HERC1: variants seen among roughly 807,000 people sequenced by gnomAD.
HERC1 encodes the protein HECT and RLD domain containing E3 ubiquitin protein ligase family member 1, also known as probable E3 ubiquitin-protein ligase HERC1.
HERC1 carries 160 observed loss-of-function variants against 554.3 expected under a neutral mutation model. The observed-to-expected ratio is 0.29, with a 90% confidence interval of 0.25 to 0.33. HERC1 has a LOEUF of 0.33. Among genes scored for constraint, HERC1 ranks in the 10% least tolerant of loss-of-function variants. HERC1 has a pLI of 1.00. For missense variants in HERC1, 4,919 were observed against 5,918.5 expected (o/e 0.83, Z 5.54); for synonymous variants, 2,175 against 2,131.7 (o/e 1.02, Z -0.56).
At chr15:63,805,364 G>C (rs2077105623) in intron 1 of HERC1, among the ~76,000 whole-genome samples, 1 of 152,122 alleles carries the variant, frequency 6.6e-6, no homozygotes, top group Non-Finnish European at 1.5e-5. Flanking sequence ...AAAGCATTAT[G>C]CTAAGCGAAA....
chr15:63,801,124 C>CTTG (rs1368746910), intron 1 of HERC1, among the ~76,000 whole-genome samples: 1 of 152,138 alleles, frequency 6.6e-6, no homozygotes, highest in African/African-American at 2.4e-5. Flanking sequence ...ATGCCCCTAC[C>CTTG]CCCTGTATCT....
rs1324598852 is a variant in HERC1 at position 63,637,503 on chromosome 15, A to T, written c.12232+2T>A. 6.4e-7 allele frequency: 1 copy of T among 1,566,550 alleles called. No homozygotes were observed. The highest frequency in any genetic ancestry group is 1.9e-5 in the Admixed American group (1 of 52,760). The stretch of plus-strand genomic sequence containing the variant: ...CCATCTTTTTATTAAGGACAATTTT[A>T]CCTTGTAAGGCTGAAATAACTGTCA... On this transcript the variant is annotated splice_donor_variant, in intron 64 of 77. Coordinates refer to ENST00000443617, the MANE Select transcript of HERC1 (RefSeq NM_003922.4). LOFTEE classifies it high-confidence loss of function.
At chr15:63,785,932 C>A (rs955145608) in intron 1 of HERC1, among the ~76,000 whole-genome samples, 2 of 152,024 alleles carry the variant, frequency 1.3e-5, no homozygotes, top group Non-Finnish European at 2.9e-5. Context: ...TCTCAAACTC[C>A]TGGACTCAGG....
chr15:63,683,135 C>CAAAAAAAAA, intron 34 of HERC1, among the ~76,000 whole-genome samples: 1 of 77,718 alleles, frequency 1.3e-5, no homozygotes, highest in East Asian at 5.1e-4. Flanking sequence ...CACTCTGTCT[C>CAAAAAAAAA]AAAAAAAAAA....
intron 2 of HERC1, among the ~76,000 whole-genome samples, chr15:63,766,987 G>C (rs1245836299): frequency 6.9e-6 from 1 of 145,110 alleles, no homozygotes; most frequent in Non-Finnish European, 1.5e-5. Context: ...CTACACTAAA[G>C]TTTTATAGGT....
At chr15:63,825,589 T>C (rs1567166706) in intron 1 of HERC1, among the ~76,000 whole-genome samples, 1 of 152,074 alleles carries the variant, frequency 6.6e-6, no homozygotes, top group Non-Finnish European at 1.5e-5. Context: ...GTGACTTTTG[T>C]GGGCTTATTT....
chr15:63,636,219 C>A lies in HERC1; in HGVS notation c.12233-77G>T, dbSNP rs376623869. 50 of 1,297,574 alleles carry A rather than the reference C, an allele frequency of 3.9e-5. No homozygotes were observed. The East Asian group carries it at 6.1e-4, about 16-fold the overall frequency. 80.4% of individuals were successfully genotyped at this position (1,297,574 alleles called of 1,614,324 possible). A position where few individuals can be genotyped will look rare whatever the true frequency, so the allele number is the denominator to read the frequency against. ...CTTTACTTGCAGCTGCTACTGAATA[C>A]CCTCAATCAAAAACCACCGAATTGG... is the stretch of plus-strand genomic sequence containing the variant. On this transcript the variant is annotated intron_variant, in intron 64 of 77. Coordinates refer to ENST00000443617, the MANE Select transcript of HERC1 (RefSeq NM_003922.4).
chr15:63,803,693 C>T (rs1046992383), intron 1 of HERC1, among the ~76,000 whole-genome samples: 2 of 152,176 alleles, frequency 1.3e-5, no homozygotes, highest in African/African-American at 4.8e-5. Flanking sequence ...TACATTCCTC[C>T]TAACCACTCT....
intron 37 of HERC1, among the ~76,000 whole-genome samples, chr15:63,676,575 G>A (rs1168535823): frequency 6.6e-6 from 1 of 151,938 alleles, no homozygotes; most frequent in East Asian, 1.9e-4. Context: ...TGGGTAACAT[G>A]GTGAAACCCT....
At chr15:63,609,518 G>A (rs1162164869) in intron 77 of HERC1, among the ~76,000 whole-genome samples, 1 of 152,226 alleles carries the variant, frequency 6.6e-6, no homozygotes, top group Admixed American at 6.5e-5. Context: ...GTGAGGAGAA[G>A]CTCTGACTGG....
chr15:63,752,720 G>A (rs1349104388), intron 8 of HERC1: 4 of 355,190 alleles, frequency 1.1e-5, no homozygotes, highest in South Asian at 6.3e-5. Context: ...ATTTTAGAAA[G>A]TCAGTTTAAT....
chr15:63,772,570 A>G (rs940501802), intron 2 of HERC1, among the ~76,000 whole-genome samples: 5 of 151,750 alleles, frequency 3.3e-5, no homozygotes, highest in African/African-American at 9.7e-5. Context: ...TGAAAGGAGT[A>G]TAACATAAGA....
At chr15:63,627,449 TCC>T in intron 70 of HERC1, among the ~76,000 whole-genome samples, 1 of 151,964 alleles carries the variant, frequency 6.6e-6, no homozygotes, top group Non-Finnish European at 1.5e-5. Flanking sequence ...AGGCTTGAAC[TCC>T]AGACTTGAGG....
rs2072406125 is a variant in HERC1, at chr15:63,696,272, G to A, written c.4973C>T (p.Ser1658Leu). The A allele has an allele frequency of 6.2e-7, 1 of 1,613,416 alleles. No homozygotes were observed. Among genetic ancestry groups the A allele is most frequent in the Non-Finnish European group, 8.5e-7 (1 of 1,179,666 alleles). ...LSGMEEKGSI[S>L]LAGSRLSSGF... The stretch of plus-strand genomic sequence containing the variant: ...TGAACTCAATCTGCTTCCTGCCAGT[G>A]AGATGCTACCTTTTTCTTCCATCCC... The change falls in exon 27 of 78, where the codon TCA (serine) becomes TTA (leucine). Residue 1658 changes from serine (S) to leucine (L), a missense_variant. Physicochemically the swap from Ser to Leu is moderately radical, Grantham distance 145 (BLOSUM62 -2). This residue lies in a region of HERC1 where 1,121 missense variants were observed against 1,244.0 expected (regional missense o/e 0.90). Coordinates refer to ENST00000443617, the MANE Select transcript of HERC1 (RefSeq NM_003922.4).
At chr15:63,737,254 C>A (rs2074546912) in intron 12 of HERC1, among the ~76,000 whole-genome samples, 1 of 149,784 alleles carries the variant, frequency 6.7e-6, no homozygotes, top group African/African-American at 2.4e-5. Context: ...ATTAAGAGGA[C>A]TGGCTCAGGA....
chr15:63,735,763 T>G (rs774315149), intron 12 of HERC1, among the ~76,000 whole-genome samples: 67 of 152,278 alleles, frequency 4.4e-4, no homozygotes, highest in Non-Finnish European at 8.8e-4. Context: ...CTATTAATAA[T>G]TATTTGAATT....
chr15:63,733,810 C>T (rs145801119), intron 13 of HERC1, among the ~76,000 whole-genome samples: 396 of 152,184 alleles, frequency 2.6e-3, no homozygotes, highest in Non-Finnish European at 4.8e-3. Context: ...CATGATCGTG[C>T]CACTGCACTC....
At position 63,749,722 on chromosome 15, in the gene HERC1, G is replaced by A; in HGVS notation, c.1972C>T (p.Leu658Phe). ...SSEATALRPK[L>F]IEELAATRIV... ...CTTGTGGCAGCCAGTTCTTCAATAA[G>A]CTTGGGTCTCAAAGCAGTAGCTTCT... is the stretch of plus-strand genomic sequence containing the variant. The change falls in exon 9 of 78, where the codon CTT becomes TTT. Residue 658 changes from leucine (L) to phenylalanine (F), a missense_variant. By Grantham distance (22) the Leu-to-Phe change is conservative (BLOSUM62 0). Around this residue, in one of 11 missense-constraint regions of HERC1, gnomAD observed 744 missense variants for 1,090.0 expected, o/e 0.68. Transcript: ENST00000443617. The surrounding 1 kb of genome is among the most constrained non-coding windows in gnomAD (Gnocchi z 4.1). 2 of 1,584,154 alleles carry A rather than the reference G, an allele frequency of 1.3e-6. No homozygotes were observed. Among genetic ancestry groups the A allele is most frequent in the Non-Finnish European group, 1.7e-6 (2 of 1,164,382 alleles).
chr15:63,634,825 T>G lies in HERC1; in HGVS notation c.12478A>C (p.Asn4160His), dbSNP rs749706509. 1 of 1,613,550 alleles carries G rather than the reference T, an allele frequency of 6.2e-7. No individual in the cohort carries two copies. The highest frequency in any genetic ancestry group is 2.2e-5 in the East Asian group (1 of 44,860). The change falls in exon 66 of 78, where the codon AAT (asparagine) becomes CAT (histidine). Residue 4160 changes from asparagine to histidine, a missense_variant. Physicochemically the swap from Asn to His is moderately conservative, Grantham distance 68. Transcript: ENST00000443617. ...AGACCCAGACGACCATAGTCACCAT[T>G]CCCAAAGGTGAACAGTTTGCCATCT... ...TSDGKLFTFG[N>H]GDYGRLGLGN...
Sources: allele counts gnomAD v4.1 joint callset (sites outside exome capture counted in the v4.1 genomes callset), GRCh38; gene constraint gnomAD v4.1.1; regional missense constraint gnomAD v4.1.1; non-coding constraint Gnocchi (gnomAD v3.1); transcripts MANE v1.5; gene names NCBI Gene and HGNC (gene_info 2026-07-23, HGNC 2026-07-21).